Variants in ANKRD24 observed in about 807,000 individuals in gnomAD.
ANKRD24 encodes the protein ankyrin repeat domain-containing protein 24.
ANKRD24 carries 109 observed loss-of-function variants against 127.8 expected under a neutral mutation model. The ratio of observed to expected loss-of-function variants is 0.85; its 90% CI spans 0.73 to 1.00. The LOEUF is 1.00. Ranked by LOEUF, ANKRD24 falls within the 50% of genes least tolerant of loss-of-function variation. ANKRD24 has a pLI of 0.00. For missense variants in ANKRD24, 1,648 were observed against 1,570.2 expected (o/e 1.05, Z -0.84); for synonymous variants, 743 against 671.1 (o/e 1.11, Z -1.66).
chr19:4,222,284 G>A (rs1038617670), intron 19 of ANKRD24, among the ~76,000 whole-genome samples: 6 of 152,202 alleles, frequency 3.9e-5, no homozygotes, highest in Admixed American at 6.6e-5. Flanking sequence ...AGCTACTCAG[G>A]AGGCTGAGGC....
chr19:4,207,085 C>CTTTTT (rs34475477), intron 7 of ANKRD24, 157 bp from the exon 8 acceptor site: 8 of 430,570 alleles, frequency 1.9e-5, no homozygotes, highest in South Asian at 5.0e-5. Context: ...ATAATGTTTG[C>CTTTTT]TTTTTTTTTT....
Position 4,200,096 on chromosome 19 carries a change from G to C in ANKRD24, c.268G>C (p.Ala90Pro). 1 of 1,596,712 alleles carries C rather than the reference G, an allele frequency of 6.3e-7. No individual in the cohort carries two copies. The highest frequency in any genetic ancestry group is 8.5e-7 in the Non-Finnish European group (1 of 1,171,800). Residue 90 changes from alanine to proline, a missense_variant, in exon 5 of 22, where the codon GCC (alanine) becomes CCC (proline). Physicochemically the swap from Ala to Pro is conservative, Grantham distance 27. Coordinates refer to ENST00000318934, the MANE Select transcript of ANKRD24 (RefSeq NM_001393985.1). ...PEGKSAFHLA[A>P]MRGAASCLEV... Reference sequence around the variant, plus strand: ...TCTCACCTCCAGGTTCCACCTGGCGGCCATGCGGGGTGCGGCCAGCTGTCT... The same window carrying C: ...TCTCACCTCCAGGTTCCACCTGGCGCCCATGCGGGGTGCGGCCAGCTGTCT...
rs139520315 is a variant in ANKRD24 at position 4,192,220 on chromosome 19, T to C, written c.36+5759T>C. Among the ~76,000 whole-genome samples the C allele has an allele frequency of 3.5e-3, 539 of 152,292 alleles. 2 individuals are homozygous for C. The highest frequency in any genetic ancestry group is 0.012 in the African/African-American group (511 of 41,568). ...TGGAGCTGTTCACTTGGGGCTTCAC[T>C]GACCTCCTGCCTTTACTTTAGGTTT... On this transcript the variant is annotated intron_variant, in intron 2 of 21. Coordinates refer to ENST00000318934, the MANE Select transcript of ANKRD24 (RefSeq NM_001393985.1).
chr19:4,189,243 C>CTTTTTTTTTTT (rs398033749), intron 2 of ANKRD24, among the ~76,000 whole-genome samples: 5 of 73,940 alleles, frequency 6.8e-5, no homozygotes, highest in Admixed American at 1.8e-4. Flanking sequence ...TTTCTTTCTT[C>CTTTTTTTTTTT]TTTTTTTTTT....
intron 7 of ANKRD24, among the ~76,000 whole-genome samples, chr19:4,203,957 C>A (rs1312438656): frequency 1.6e-5 from 1 of 62,398 alleles, no homozygotes; most frequent in African/African-American, 6.3e-5. Context: ...GCCCTTCTCC[C>A]TTTTTTTTTT....
chr19:4,224,081 G>T, intron 20 of ANKRD24, 46 bp from the exon 21 acceptor site: 2 of 1,560,408 alleles, frequency 1.3e-6, no homozygotes, highest in East Asian at 2.2e-5. Context: ...TTGCTCAGTG[G>T]GGAGGTGCTC....
intron 7 of ANKRD24, 139 bp from the exon 8 acceptor site, chr19:4,207,103 T>TTGG: frequency 2.4e-6 from 1 of 423,024 alleles, no homozygotes; most frequent in South Asian, 3.5e-5. Flanking sequence ...TTTTTTTTTT[T>TTGG]GTAGAGACAG....
rs958548184 is a variant in ANKRD24 at position 4,199,032 on chromosome 19, T to A, written c.37-651T>A. ...TTTCGTAATGCATTTCAGGCTATAG[T>A]GTTGAGGGGAGAAGCCTCGGGATGT... On this transcript the variant is annotated intron_variant, in intron 2 of 21. Transcript: ENST00000318934. This position sits in a 1 kb window ranked among gnomAD's most constrained non-coding sequence, Gnocchi z 5.2. Among the ~76,000 whole-genome samples, 1 of 151,926 alleles carries A rather than the reference T, an allele frequency of 6.6e-6. No individual in the cohort carries two copies. The highest frequency in any genetic ancestry group is 1.5e-5 in the Non-Finnish European group (1 of 67,982).
At chr19:4,212,539 G>T (rs368881045) in intron 14 of ANKRD24, 26 bp downstream of exon 14, 1 of 1,550,586 alleles carries the variant, frequency 6.4e-7, no homozygotes, top group Non-Finnish European at 8.7e-7. Flanking sequence ...GGGAGGAGCC[G>T]GTCCTCCTGC....
intron 15 of ANKRD24, among the ~76,000 whole-genome samples, chr19:4,214,521 G>A (rs905837234): frequency 6.6e-5 from 10 of 152,020 alleles, no homozygotes; most frequent in Non-Finnish European, 1.0e-4. Flanking sequence ...GAGATCCACA[G>A]GCACATTCAA....
At chr19:4,212,177 G>A (rs576499621) in intron 13 of ANKRD24, among the ~76,000 whole-genome samples, 31 of 152,058 alleles carry the variant, frequency 2.0e-4, no homozygotes, top group Non-Finnish European at 3.8e-4. Flanking sequence ...TCCAGCCTGG[G>A]GGACAGAGTG....
intron 19 of ANKRD24, among the ~76,000 whole-genome samples, chr19:4,221,763 T>G (rs1426132987): frequency 6.6e-6 from 1 of 152,102 alleles, no homozygotes; most frequent in Non-Finnish European, 1.5e-5. Context: ...AAAATTGCAG[T>G]TAGGATGATG....
intron 14 of ANKRD24, 39 bp from the exon 15 acceptor site, chr19:4,212,561 T>TA: frequency 2.6e-6 from 4 of 1,547,996 alleles, no homozygotes; most frequent in Non-Finnish European, 3.5e-6. Context: ...GCCCAGCCTT[T>TA]CCTCCCAGAG....
rs1389735464 is a variant in ANKRD24, at chr19:4,207,520, T to TTA, written c.560_561dup (p.Ala188Ter). 6.2e-7 allele frequency: 1 copy of TTA among 1,613,888 alleles called. No homozygotes were observed. The highest frequency in any genetic ancestry group is 1.7e-5 in the Admixed American group (1 of 60,014). On this transcript the variant is annotated frameshift_variant, in exon 9 of 22. Coordinates refer to ENST00000318934, the MANE Select transcript of ANKRD24 (RefSeq NM_001393985.1). LOFTEE classifies it high-confidence loss of function. ...TACCAGTCAGGCGCAACACCCCTCA[T>TTA]TATAGCAGCTCAGATGTGTCACACA... is the stretch of plus-strand genomic sequence containing the variant.
chr19:4,207,084 GC>G (rs1159915258), intron 7 of ANKRD24, 157 bp from the exon 8 acceptor site: 16 of 569,984 alleles, frequency 2.8e-5, no homozygotes, highest in Admixed American at 6.9e-5. Context: ...GATAATGTTT[GC>G]TTTTTTTTTT....
intron 11 of ANKRD24, chr19:4,209,069 G>C: frequency 2.5e-6 from 1 of 393,204 alleles, no homozygotes; most frequent in Non-Finnish European, 4.6e-6. Context: ...TGGTGTCTTC[G>C]GGGAAGGAAG....
chr19:4,211,024 G>T (rs1023690727), intron 13 of ANKRD24, among the ~76,000 whole-genome samples: 1 of 151,784 alleles, frequency 6.6e-6, no homozygotes, highest in African/African-American at 2.4e-5. Context: ...GTAGAGACGG[G>T]GTTTCAGCAC....
chr19:4,221,860 A>G (rs1374755559), intron 19 of ANKRD24, among the ~76,000 whole-genome samples: 2 of 152,270 alleles, frequency 1.3e-5, no homozygotes, highest in South Asian at 2.1e-4. Context: ...TGGGCATTGT[A>G]GGGGACTGAG....
In ANKRD24 at chr19:4,210,783, A is replaced by AC. The variant is rs1447445244; in HGVS notation, c.1059+418dup. On this transcript the variant is annotated intron_variant, in intron 13 of 21. Transcript: ENST00000318934. ...CAAAATTGTAACATCACCCCCCACCACCCCCCCGGCCAACTCGCTAGTTCA... is the reference window on the plus strand; with the variant it reads ...CAAAATTGTAACATCACCCCCCACCACCCCCCCCGGCCAACTCGCTAGTTCA... Among the ~76,000 whole-genome samples the AC allele has an allele frequency of 1.0e-3, 51 of 49,520 alleles. 2 individuals are homozygous for AC. In the East Asian group the frequency reaches 0.027, roughly 26 times the overall value. 32.5% of individuals were successfully genotyped at this position (49,520 alleles called of 152,430 possible). A position where few individuals can be genotyped will look rare whatever the true frequency, so the allele number is the denominator to read the frequency against.
Sources: allele counts gnomAD v4.1 joint callset (sites outside exome capture counted in the v4.1 genomes callset), GRCh38; gene constraint gnomAD v4.1.1; non-coding constraint Gnocchi (gnomAD v3.1); transcripts MANE v1.5; gene names NCBI Gene and HGNC (gene_info 2026-07-23, HGNC 2026-07-21).